BRF1: variants seen among roughly 807,000 people sequenced by gnomAD.
The protein encoded by BRF1 is transcription factor IIIB 90 kDa subunit.
In BRF1, 59 loss-of-function variants were observed where a neutral mutation model predicts 81.7. The ratio of observed to expected loss-of-function variants is 0.72; its 90% CI spans 0.59 to 0.90. The LOEUF (loss-of-function observed/expected upper bound fraction) is 0.90. BRF1 is among the 40% of genes least tolerant of loss of function. BRF1 has a pLI of 0.00. For missense variants in BRF1, 1,050 were observed against 936.3 expected, an observed-to-expected ratio of 1.12 and a Z score of -1.58; for synonymous variants, 491 against 395.6, an observed-to-expected ratio of 1.24 and a Z score of -2.86.
At chr14:105,218,883 C>T in intron 14 of BRF1, 115 bp downstream of exon 14, 4 of 1,463,958 alleles carry the variant, frequency 2.7e-6, no homozygotes, top group Non-Finnish European at 3.8e-6. Context: ...CCTCCGGCTG[C>T]CTGCCCTGGG....
chr14:105,304,783 T>C (rs2058135856), upstream of BRF1, among the ~76,000 whole-genome samples: 1 of 152,254 alleles, frequency 6.6e-6, no homozygotes, highest in Non-Finnish European at 1.5e-5. Context: ...CTTACGTGGA[T>C]GGCAGCAGGG....
At chr14:105,285,654 G>A (rs587693588) in intron 2 of BRF1, among the ~76,000 whole-genome samples, 471 of 152,270 alleles carry the variant, frequency 3.1e-3, no homozygotes, top group Non-Finnish European at 5.4e-3. Context: ...GACTAAATAG[G>A]TAAACTGGAT....
chr14:105,249,066 C>A (rs1019198216), intron 5 of BRF1: 7 of 1,326,874 alleles, frequency 5.3e-6, no homozygotes, highest in African/African-American at 3.1e-5. Context: ...GCGGTGCTGC[C>A]GCCCCACGCT....
chr14:105,228,993 G>A lies in BRF1; in HGVS notation c.695-80C>T, dbSNP rs148017691. On this transcript the variant is annotated intron_variant, in intron 6 of 17. Transcript: ENST00000547530. ...CTGTGGCGGCCCAGGACAACACTGC[G>A]GATCCCGGTCACGGAGATGATGGCC... is the stretch of plus-strand genomic sequence containing the variant. 10,155 of 1,293,140 alleles carry A rather than the reference G, an allele frequency of 7.9e-3. 79 individuals carry two copies. Among genetic ancestry groups the A allele is most frequent in the Middle Eastern group, 0.011 (60 of 5,356 alleles). The allele number at this position is 1,293,140 out of a possible 1,614,324, so 80.1% of individuals were successfully genotyped here. A position where few individuals can be genotyped will look rare whatever the true frequency, so the allele number is the denominator to read the frequency against.
At chr14:105,256,225 T>C in intron 4 of BRF1, 7 of 1,538,580 alleles carry the variant, frequency 4.5e-6, no homozygotes, top group Non-Finnish European at 6.1e-6. Context: ...TAATCTCCTT[T>C]GTGTAGGACA....
intron 11 of BRF1, 28 bp from the exon 12 acceptor site, chr14:105,220,158 C>G: frequency 6.2e-7 from 1 of 1,612,898 alleles, no homozygotes; most frequent in Non-Finnish European, 8.5e-7. Flanking sequence ...ATCCGCGTCA[C>G]TCAGGGCCAG....
At chr14:105,283,459 T>C (rs1322988468) in intron 2 of BRF1, among the ~76,000 whole-genome samples, 1 of 151,950 alleles carries the variant, frequency 6.6e-6, no homozygotes, top group Non-Finnish European at 1.5e-5. Flanking sequence ...TCAAGAGGGG[T>C]GGGGGCCCCG....
chr14:105,229,462 T>G (rs2054361552), intron 6 of BRF1, among the ~76,000 whole-genome samples: 1 of 152,148 alleles, frequency 6.6e-6, no homozygotes, highest in African/African-American at 2.4e-5. Flanking sequence ...GGCACGAGGG[T>G]AAGGGCCCGG....
intron 2 of BRF1, among the ~76,000 whole-genome samples, chr14:105,285,485 C>A (rs587648124): frequency 2.6e-5 from 4 of 152,294 alleles, no homozygotes; most frequent in Non-Finnish European, 4.4e-5. Flanking sequence ...CAGGCCCTTA[C>A]CTTACATCAC....
At chr14:105,257,970 CA>C (rs2055966333) in intron 3 of BRF1, among the ~76,000 whole-genome samples, 1 of 152,208 alleles carries the variant, frequency 6.6e-6, no homozygotes, top group Admixed American at 6.5e-5. Context: ...TCACATATTG[CA>C]TATTTGTGAA....
intron 5 of BRF1, among the ~76,000 whole-genome samples, chr14:105,245,825 G>C (rs1246579758): frequency 2.0e-5 from 3 of 152,130 alleles, no homozygotes; most frequent in African/African-American, 7.2e-5. Flanking sequence ...ACCCTTAGAA[G>C]AAAACAAAGG....
intron 5 of BRF1, among the ~76,000 whole-genome samples, chr14:105,242,991 C>T (rs2054808138): frequency 1.3e-5 from 2 of 151,664 alleles, no homozygotes; most frequent in South Asian, 4.2e-4. Flanking sequence ...TGGTGCACGC[C>T]TGTAATCCCA....
rs1595270896 is a variant in BRF1 at position 105,219,399 on chromosome 14, T to C, written c.1378-167A>G. On this transcript the variant is annotated intron_variant, in intron 12 of 17. Transcript: ENST00000547530. ...CTGAGGCCTCATCGCGCGGGGCGAG[T>C]TGGGGACCTGTTGCTCTGTGGCCTG... The C allele has an allele frequency of 6.4e-6, 9 of 1,409,666 alleles. No individual in the cohort carries two copies. In the South Asian group the frequency reaches 8.4e-5, roughly 13 times the overall value. 87.3% of individuals were successfully genotyped at this position (1,409,666 alleles called of 1,614,324 possible).
chr14:105,218,340 C>A (rs1017690645), intron 14 of BRF1, among the ~76,000 whole-genome samples: 2 of 152,186 alleles, frequency 1.3e-5, no homozygotes, highest in Non-Finnish European at 2.9e-5. Context: ...GACCTTCCTG[C>A]GTGGCCCAGC....
intron 15 of BRF1, among the ~76,000 whole-genome samples, chr14:105,215,872 AC>A (rs1891141500): frequency 6.7e-6 from 1 of 148,272 alleles, no homozygotes; most frequent in Non-Finnish European, 1.5e-5. Context: ...ACATGCACAC[AC>A]ACGCTGCAGG....
At chr14:105,297,524 C>A (rs1200624143) in intron 1 of BRF1, among the ~76,000 whole-genome samples, 2 of 150,838 alleles carry the variant, frequency 1.3e-5, no homozygotes, top group Admixed American at 1.3e-4. Flanking sequence ...GAGCTCAGAT[C>A]GCGCCACTGC....
At chr14:105,241,235 C>A (rs768604511) in intron 6 of BRF1, 30 bp downstream of exon 6, 5 of 1,605,770 alleles carry the variant, frequency 3.1e-6, no homozygotes, top group Non-Finnish European at 4.2e-6. Context: ...CCCAGACCAG[C>A]ATCCCCCAGG....
intron 16 of BRF1, 142 bp downstream of exon 16, chr14:105,211,971 A>AAGTATGGGGC: frequency 7.8e-7 from 1 of 1,277,408 alleles, no homozygotes; most frequent in Non-Finnish European, 1.1e-6. Context: ...TTCTCTGGCC[A>AAGTATGGGGC]TGCCAGGCAA....
At position 105,241,308 on chromosome 14, in the gene BRF1, G is replaced by A; in HGVS notation, c.651C>T (p.Asp217=). The A allele has an allele frequency of 1.2e-6, 2 of 1,612,658 alleles. No individual in the cohort carries two copies. Among genetic ancestry groups the A allele is most frequent in the South Asian group, 1.1e-5 (1 of 91,080 alleles). ...ALRLLQRMKR[D]WMHTGRRPSG... ...AGGGGCGCCGGCCTGTGTGCATCCA[G>A]TCCCGCTTCATCCTCTGTAGGAGCC... The change falls in exon 6 of 18, where the codon GAC becomes GAT. Residue 217 remains aspartate (D), a synonymous_variant. Coordinates refer to ENST00000547530, the MANE Select transcript of BRF1 (RefSeq NM_001519.4).
Sources: allele counts gnomAD v4.1 joint callset (sites outside exome capture counted in the v4.1 genomes callset), GRCh38; gene constraint gnomAD v4.1.1; transcripts MANE v1.5; gene names NCBI Gene and HGNC (gene_info 2026-07-23, HGNC 2026-07-21).